Variants in NTAQ1 observed in about 807,000 individuals in gnomAD.
NTAQ1 encodes protein N-terminal glutamine amidohydrolase.
NTAQ1 carries 21 observed loss-of-function variants against 28.2 expected under a neutral mutation model. The observed-to-expected ratio is 0.74, with a 90% confidence interval of 0.53 to 1.07. The LOEUF is 1.07. NTAQ1 is among the 50% of genes least tolerant of loss of function. The pLI is 0.00. For synonymous variants in NTAQ1, 105 were observed against 90.0 expected, an observed-to-expected ratio of 1.17 and a Z score of -0.94; for missense variants, 264 against 256.6, an observed-to-expected ratio of 1.03 and a Z score of -0.20.
exon 7 of NTAQ1, among the ~76,000 whole-genome samples, chr8:123,469,948 A>C (rs916877888): frequency 1.3e-5 from 2 of 152,230 alleles, no homozygotes; most frequent in Non-Finnish European, 2.9e-5. Context: ...CAAAATGTAC[A>C]TGTTGAAGCC....
exon 7 of NTAQ1, among the ~76,000 whole-genome samples, chr8:123,468,224 A>G (rs1359444984): frequency 6.6e-6 from 1 of 152,222 alleles, no homozygotes; most frequent in Non-Finnish European, 1.5e-5. Context: ...TTATGTATTT[A>G]TCTATTTATG....
At chr8:123,428,452 C>G (rs1814201834) in intron 2 of NTAQ1, among the ~76,000 whole-genome samples, 1 of 152,128 alleles carries the variant, frequency 6.6e-6, no homozygotes, top group African/African-American at 2.4e-5. Flanking sequence ...CCCACCTCAG[C>G]CCCCCAAAGT....
In NTAQ1 at chr8:123,441,361, C is replaced by T. The variant is rs1161147371; in HGVS notation, c.564C>T (p.Gly188=). The change falls in exon 6 of 6, where the codon GGC becomes GGT. Residue 188 remains glycine (G), a synonymous_variant. Coordinates refer to ENST00000287387, the MANE Select transcript of NTAQ1 (RefSeq NM_018024.3). Reference sequence around the variant, plus strand: ...GTATGGATCCCAAGGTAGGATGGGGCGCCGTCTACACACTATCCGAATTTA... The same window carrying T: ...GTATGGATCCCAAGGTAGGATGGGGTGCCGTCTACACACTATCCGAATTTA... ...FISMDPKVGW[G]AVYTLSEFTH... is the part of the protein sequence containing the mutation. 4 of 1,612,188 alleles carry T rather than the reference C, an allele frequency of 2.5e-6. No homozygotes were observed. The highest frequency in any genetic ancestry group is 1.7e-5 in the Admixed American group (1 of 59,910).
At chr8:123,469,299 T>C (rs576996939) in exon 7 of NTAQ1, among the ~76,000 whole-genome samples, 1 of 152,252 alleles carries the variant, frequency 6.6e-6, no homozygotes, top group Non-Finnish European at 1.5e-5. Flanking sequence ...ATTGGAAATA[T>C]GTTTTTTCAT....
intron 2 of NTAQ1, among the ~76,000 whole-genome samples, chr8:123,429,104 A>G (rs931452575): frequency 4.6e-5 from 7 of 152,302 alleles, no homozygotes; most frequent in Middle Eastern, 3.4e-3. Context: ...TTTGATCCCA[A>G]TGGAAGCCCT....
intron 6 of NTAQ1, among the ~76,000 whole-genome samples, chr8:123,462,337 C>T (rs770360532): frequency 3.3e-5 from 5 of 152,080 alleles, no homozygotes; most frequent in Admixed American, 6.5e-5. Context: ...CATGAGCCAC[C>T]GTGCTGGGCC....
chr8:123,467,363 CCAACTTA>C (rs1815983477), exon 7 of NTAQ1: 1 of 152,194 alleles, frequency 6.6e-6, no homozygotes, highest in African/African-American at 2.4e-5. Flanking sequence ...AATGTTTGTG[CCAACTTA>C]CATTCCCACC....
chr8:123,417,267 C>T (rs769011050), intron 1 of NTAQ1, among the ~76,000 whole-genome samples: 1 of 152,134 alleles, frequency 6.6e-6, no homozygotes, highest in Admixed American at 6.5e-5. Context: ...TCTGCTGAAG[C>T]CTGTGGGGTT....
downstream of NTAQ1, among the ~76,000 whole-genome samples, chr8:123,470,492 A>G (rs896867045): frequency 1.3e-5 from 2 of 152,214 alleles, no homozygotes; most frequent in African/African-American, 4.8e-5. Context: ...AAAGAGTGAG[A>G]ATAGTGGAGT....
At chr8:123,439,365 C>T (rs10106648) in intron 5 of NTAQ1, among the ~76,000 whole-genome samples, 44,468 of 132,914 alleles carry the variant, frequency 0.33, 7,254 homozygotes, top group South Asian at 0.49. Context: ...TTTTTTGAGA[C>T]GGAGTCTCAC....
chr8:123,425,735 C>T (rs13256389), intron 1 of NTAQ1, among the ~76,000 whole-genome samples: 55,019 of 151,784 alleles, frequency 0.36, 10,099 homozygotes, highest in East Asian at 0.56. Context: ...TTGGGCCGGG[C>T]GTGGTGGCTC....
exon 7 of NTAQ1, among the ~76,000 whole-genome samples, chr8:123,467,895 G>A (rs1231005820): frequency 3.3e-5 from 5 of 152,242 alleles, no homozygotes; most frequent in South Asian, 2.1e-4. Flanking sequence ...GGTCACAGGC[G>A]CCAGCCACCA....
chr8:123,423,431 CTCTTTTTCTTTCTTTCTT>C (rs1200625934), intron 1 of NTAQ1, among the ~76,000 whole-genome samples: 3 of 89,666 alleles, frequency 3.3e-5, no homozygotes, highest in African/African-American at 9.4e-5. Context: ...TCTTCTGTTT[CTCTTTTTCTTTCTTTCTT>C]TCTTTTTCTT....
At chr8:123,436,303 C>T in intron 3 of NTAQ1, 150 bp from the exon 4 acceptor site, 1 of 583,000 alleles carries the variant, frequency 1.7e-6, no homozygotes, top group African/African-American at 1.9e-5. Context: ...TTCATGTTTT[C>T]AGGGTGTTGT....
At chr8:123,467,072 T>A (rs1815975909) in intron 6 of NTAQ1, 1 of 151,338 alleles carries the variant, frequency 6.6e-6, no homozygotes, top group African/African-American at 2.5e-5. Context: ...TTTTTTTTTT[T>A]TCTCAGTCTG....
chr8:123,424,240 T>A, intron 1 of NTAQ1, among the ~76,000 whole-genome samples: 1 of 131,042 alleles, frequency 7.6e-6, no homozygotes, highest in Non-Finnish European at 1.6e-5. Flanking sequence ...GCCTAGCTAA[T>A]TTTTGTATTT....
At chr8:123,431,501 T>C (rs925361211) in intron 3 of NTAQ1, among the ~76,000 whole-genome samples, 5 of 152,200 alleles carry the variant, frequency 3.3e-5, no homozygotes, top group Non-Finnish European at 5.9e-5. Context: ...CATGTATATA[T>C]TGAGTGTGTT....
At chr8:123,457,222 A>G (rs1175725360) in intron 6 of NTAQ1, among the ~76,000 whole-genome samples, 1 of 152,140 alleles carries the variant, frequency 6.6e-6, no homozygotes, top group Non-Finnish European at 1.5e-5. Context: ...GTGAACCACC[A>G]TGCCCAGCTA....
At chr8:123,452,948 G>A (rs955992298), downstream of NTAQ1, among the ~76,000 whole-genome samples, 12 of 152,240 alleles carry the variant, frequency 7.9e-5, no homozygotes, top group African/African-American at 2.9e-4. Context: ...TATTATCAAG[G>A]GAGCACTCAT....
Sources: allele counts gnomAD v4.1 joint callset (sites outside exome capture counted in the v4.1 genomes callset), GRCh38; gene constraint gnomAD v4.1.1; transcripts MANE v1.5; gene names NCBI Gene and HGNC (gene_info 2026-07-23, HGNC 2026-07-21).